SYT1: variants seen among roughly 807,000 people sequenced by gnomAD.
The protein encoded by SYT1 is synaptotagmin 1.
Under a neutral mutation model 44.8 loss-of-function variants are expected in SYT1, and 8 were observed. The observed-to-expected ratio is 0.18, with a 90% confidence interval of 0.10 to 0.32. SYT1 has a LOEUF of 0.32. Ranked by LOEUF, SYT1 falls within the 10% of genes least tolerant of loss-of-function variation. SYT1 has a pLI of 1.00. For synonymous variants in SYT1, 154 were observed against 188.8 expected (o/e 0.82, Z 1.51); for missense variants, 286 against 509.3 (o/e 0.56, Z 4.22).
intron 8 of SYT1, among the ~76,000 whole-genome samples, chr12:79,319,627 C>G (rs73352941): frequency 6.6e-6 from 1 of 152,186 alleles, no homozygotes; most frequent in Non-Finnish European, 1.5e-5. Flanking sequence ...CAACACCACA[C>G]AGTACCAAGG....
intron 2 of SYT1, among the ~76,000 whole-genome samples, chr12:79,008,611 C>G (rs564557904): frequency 1.3e-5 from 2 of 151,980 alleles, no homozygotes; most frequent in African/African-American, 4.8e-5. Context: ...AGATTTGGAC[C>G]ACTTTTTGGA....
chr12:79,367,560 C>A (rs1288169039), intron 9 of SYT1, among the ~76,000 whole-genome samples: 5 of 152,054 alleles, frequency 3.3e-5, no homozygotes, highest in African/African-American at 9.7e-5. Flanking sequence ...GAAAGTTACC[C>A]ATGTAAATTT....
chr12:78,931,550 C>T (rs773048283), intron 1 of SYT1, among the ~76,000 whole-genome samples: 6 of 152,174 alleles, frequency 3.9e-5, no homozygotes, highest in Non-Finnish European at 7.4e-5. Flanking sequence ...CTTCAATTCG[C>T]ATCTTGAGAA....
At chr12:79,395,349 G>A (rs566490358) in intron 9 of SYT1, among the ~76,000 whole-genome samples, 18 of 152,224 alleles carry the variant, frequency 1.2e-4, no homozygotes, top group African/African-American at 3.4e-4. Flanking sequence ...CTCCTGAGTA[G>A]CTGGGATTAC....
At chr12:79,100,107 A>G (rs1481669903) in intron 3 of SYT1, among the ~76,000 whole-genome samples, 1 of 151,790 alleles carries the variant, frequency 6.6e-6, no homozygotes, top group African/African-American at 2.4e-5. Flanking sequence ...TGTATGTTAA[A>G]TAATAATAAC....
At chr12:79,350,682 G>A (rs1033051061) in intron 8 of SYT1, among the ~76,000 whole-genome samples, 4 of 151,950 alleles carry the variant, frequency 2.6e-5, no homozygotes, top group African/African-American at 9.7e-5. Context: ...AAACCACCAG[G>A]TAGTAAAAGA....
intron 1 of SYT1, among the ~76,000 whole-genome samples, chr12:78,915,222 C>T (rs1876580305): frequency 6.6e-6 from 1 of 152,010 alleles, no homozygotes; most frequent in Admixed American, 6.6e-5. Context: ...ATCAAAGGTT[C>T]CCAAGCACTG....
intron 3 of SYT1, among the ~76,000 whole-genome samples, chr12:79,183,608 T>C (rs370407717): frequency 1.3e-5 from 2 of 152,104 alleles, no homozygotes. Context: ...ACTGGGTTCT[T>C]TCTTAGAAGA....
chr12:79,357,799 C>A (rs560669856), intron 9 of SYT1, among the ~76,000 whole-genome samples: 107 of 152,260 alleles, frequency 7.0e-4, no homozygotes, highest in African/African-American at 2.4e-3. Context: ...AAACATGTCT[C>A]AATAGCTTCG....
intron 9 of SYT1, among the ~76,000 whole-genome samples, chr12:79,358,053 C>T (rs962296947): frequency 6.6e-6 from 1 of 152,144 alleles, no homozygotes; most frequent in Non-Finnish European, 1.5e-5. Flanking sequence ...CTACTTGTCC[C>T]TATTTGTGTC....
At chr12:79,296,346 C>T (rs1879874930) in intron 7 of SYT1, 110 bp downstream of exon 7, 1 of 1,135,486 alleles carries the variant, frequency 8.8e-7, no homozygotes, top group African/African-American at 1.6e-5. Flanking sequence ...CAGGCACTCA[C>T]AATAATTCCA....
At chr12:78,975,009 T>A (rs1198511562) in intron 1 of SYT1, among the ~76,000 whole-genome samples, 1 of 152,106 alleles carries the variant, frequency 6.6e-6, no homozygotes, top group Non-Finnish European at 1.5e-5. Context: ...ATAGTAACTT[T>A]TTATTTTTTT....
At chr12:78,945,484 A>T (rs1382042008) in intron 1 of SYT1, among the ~76,000 whole-genome samples, 1 of 151,122 alleles carries the variant, frequency 6.6e-6, no homozygotes, top group Non-Finnish European at 1.5e-5. Flanking sequence ...ATATATATAT[A>T]TATACACATT....
chr12:79,367,018 C>T (rs1047395345), intron 9 of SYT1, among the ~76,000 whole-genome samples: 2 of 151,238 alleles, frequency 1.3e-5, no homozygotes, highest in Non-Finnish European at 1.5e-5. Context: ...CATCCTGAAG[C>T]TAACAGCAAA....
intron 1 of SYT1, among the ~76,000 whole-genome samples, chr12:78,893,262 A>C (rs553964251): frequency 2.0e-4 from 30 of 151,952 alleles, no homozygotes; most frequent in African/African-American, 6.7e-4. Flanking sequence ...TAAAATTTCC[A>C]CTGCTGATTT....
intron 3 of SYT1, among the ~76,000 whole-genome samples, chr12:79,063,474 C>T (rs561336833): frequency 3.3e-5 from 5 of 152,226 alleles, no homozygotes; most frequent in South Asian, 2.1e-4. Context: ...GATCCCAGCC[C>T]GTGGCATCTC....
At chr12:79,282,394 A>G (rs1199310905) in intron 4 of SYT1, among the ~76,000 whole-genome samples, 1 of 152,206 alleles carries the variant, frequency 6.6e-6, no homozygotes, top group Non-Finnish European at 1.5e-5. Context: ...TTCATTAACT[A>G]GAAAATGAAA....
chr12:79,155,405 A>G (rs1266241532), intron 3 of SYT1, among the ~76,000 whole-genome samples: 4 of 152,208 alleles, frequency 2.6e-5, no homozygotes, highest in African/African-American at 9.6e-5. Context: ...CCCAGTGTTA[A>G]TATAGAAATC....
chr12:79,116,669 T>C (rs1471994293), intron 3 of SYT1, among the ~76,000 whole-genome samples: 1 of 152,202 alleles, frequency 6.6e-6, no homozygotes, highest in Non-Finnish European at 1.5e-5. Flanking sequence ...TATTCTTCCC[T>C]AAGCAGACAA....
Sources: allele counts gnomAD v4.1 joint callset (sites outside exome capture counted in the v4.1 genomes callset), GRCh38; gene constraint gnomAD v4.1.1; transcripts MANE v1.5; gene names NCBI Gene and HGNC (gene_info 2026-07-23, HGNC 2026-07-21).